HIVEP2: variants seen among roughly 807,000 people sequenced by gnomAD.
HIVEP2 encodes the protein transcription factor HIVEP2.
HIVEP2 carries 14 observed loss-of-function variants against 180.7 expected under a neutral mutation model. The observed-to-expected ratio is 0.08, with a 90% CI of 0.05 to 0.12. The LOEUF (loss-of-function observed/expected upper bound fraction) is 0.12. HIVEP2 is among the 10% of genes least tolerant of loss of function. The pLI is 1.00. For synonymous variants in HIVEP2, 1,184 were observed against 1,136.4 expected (o/e 1.04, Z -0.84); for missense variants, 2,579 against 3,008.5 (o/e 0.86, Z 3.34).
Position 142,822,288 on chromosome 6 carries a change from A to C in HIVEP2, c.-528+14647T>G, listed in dbSNP as rs143808611. Among the ~76,000 whole-genome samples, 468 of 152,364 alleles carry C rather than the reference A, an allele frequency of 3.1e-3. 1 individual carries two copies. The highest frequency in any genetic ancestry group is 5.5e-3 in the Non-Finnish European group (376 of 68,036). On this transcript the variant is annotated intron_variant, in intron 2 of 9. Coordinates refer to ENST00000367603, the MANE Select transcript of HIVEP2 (RefSeq NM_006734.4). ...TTTAAACTACACTGGATTACAAAGG[A>C]AACCAATTACCATGAATATAGGTAT...
intron 2 of HIVEP2, among the ~76,000 whole-genome samples, chr6:142,787,899 A>G (rs181405893): frequency 1.9e-4 from 29 of 152,338 alleles, no homozygotes; most frequent in Non-Finnish European, 2.8e-4. Context: ...TGAAAAGTCA[A>G]GAAGGTGCAT....
At chr6:142,760,838 T>G (rs1335073164) in intron 8 of HIVEP2, among the ~76,000 whole-genome samples, 171 bp from the exon 9 acceptor site, 1 of 152,228 alleles carries the variant, frequency 6.6e-6, no homozygotes, top group Non-Finnish European at 1.5e-5. Flanking sequence ...CCTGCGTTCA[T>G]TCTATCTTCT....
At chr6:142,857,325 C>T (rs1424426506) in intron 1 of HIVEP2, among the ~76,000 whole-genome samples, 1 of 152,048 alleles carries the variant, frequency 6.6e-6, no homozygotes, top group African/African-American at 2.4e-5. Context: ...TATTGTATAG[C>T]CCCTAGATCT....
intron 1 of HIVEP2, among the ~76,000 whole-genome samples, chr6:142,922,345 C>T (rs897881066): frequency 5.3e-5 from 8 of 152,172 alleles, no homozygotes; most frequent in African/African-American, 1.7e-4. Context: ...TTCCAATATC[C>T]TAATTCTTGA....
intron 1 of HIVEP2, among the ~76,000 whole-genome samples, chr6:142,873,075 C>T (rs1223439752): frequency 6.6e-6 from 1 of 152,182 alleles, no homozygotes; most frequent in Non-Finnish European, 1.5e-5. Context: ...TAAAGCATTA[C>T]ACAGCAACCC....
chr6:142,866,753 C>A (rs1776149061), intron 1 of HIVEP2, among the ~76,000 whole-genome samples: 1 of 152,134 alleles, frequency 6.6e-6, no homozygotes, highest in African/African-American at 2.4e-5. Context: ...CGGTCTCTCC[C>A]TTAGTTGATC....
chr6:142,868,914 A>C (rs1169166658), intron 1 of HIVEP2, among the ~76,000 whole-genome samples: 1 of 152,148 alleles, frequency 6.6e-6, no homozygotes, highest in Non-Finnish European at 1.5e-5. Flanking sequence ...TCTCCTTTTT[A>C]GTGTAAGTCT....
At chr6:142,809,581 C>CTGTTTGTTTGTTTGTTTGTTTGTTTGTT (rs3057566) in intron 2 of HIVEP2, among the ~76,000 whole-genome samples, 3 of 150,396 alleles carry the variant, frequency 2.0e-5, no homozygotes, top group African/African-American at 7.4e-5. Context: ...TCTGGGTTTT[C>CTGTTTGTTTGTTTGTTTGTTTGTTTGTT]TGTTTGTTTG....
intron 1 of HIVEP2, among the ~76,000 whole-genome samples, chr6:142,913,577 G>T (rs1344000919): frequency 1.3e-5 from 2 of 152,204 alleles, no homozygotes; most frequent in Non-Finnish European, 2.9e-5. Flanking sequence ...GAAGAAAGAG[G>T]TGTCTACAGG....
At chr6:142,878,196 C>G (rs971876852) in intron 1 of HIVEP2, among the ~76,000 whole-genome samples, 1 of 152,168 alleles carries the variant, frequency 6.6e-6, no homozygotes, top group Non-Finnish European at 1.5e-5. Flanking sequence ...ATCCACATGA[C>G]ATTGGCTTCA....
chr6:142,786,000 A>G (rs1775989774), intron 2 of HIVEP2, among the ~76,000 whole-genome samples: 2 of 152,238 alleles, frequency 1.3e-5, no homozygotes, highest in Admixed American at 6.5e-5. Context: ...ATTTTGTTAT[A>G]AATTGAAATC....
chr6:142,789,187 G>A (rs1453160541), intron 2 of HIVEP2, among the ~76,000 whole-genome samples: 1 of 145,910 alleles, frequency 6.9e-6, no homozygotes, highest in African/African-American at 2.6e-5. Context: ...ATTTTCAAAA[G>A]TACACTAGCT....
intron 2 of HIVEP2, among the ~76,000 whole-genome samples, chr6:142,830,514 A>G (rs1420397292): frequency 6.6e-6 from 1 of 152,178 alleles, no homozygotes; most frequent in African/African-American, 2.4e-5. Flanking sequence ...TGGCAGGGTG[A>G]AGGTTAAGAA....
At chr6:142,857,426 G>T (rs1458605657) in intron 1 of HIVEP2, among the ~76,000 whole-genome samples, 4 of 152,138 alleles carry the variant, frequency 2.6e-5, no homozygotes, top group African/African-American at 9.7e-5. Context: ...TGTGCAAATT[G>T]TTTTCCAAGC....
intron 2 of HIVEP2, among the ~76,000 whole-genome samples, chr6:142,818,535 G>C (rs1460120242): frequency 1.3e-5 from 2 of 151,802 alleles, no homozygotes; most frequent in East Asian, 3.9e-4. Context: ...CAGGCGTGGT[G>C]GCATATGCCT....
Position 142,753,730 on chromosome 6 carries a change from T to G in HIVEP2, c.6718A>C (p.Met2240Leu). The change falls in exon 10 of 10, where the codon ATG becomes CTG. Residue 2240 changes from methionine to leucine, a missense_variant. By Grantham distance (15) the Met-to-Leu change is conservative. This residue lies in a region of HIVEP2 where 660 missense variants were observed against 731.7 expected (regional missense o/e 0.90). Transcript: ENST00000367603. ...PVGGIQMVHS[M>L]PPALSSLHPS... Reference sequence around the variant, plus strand: ...TGTAAACTGGAAAGGGCTGGCGGCATGGAGTGAACCATCTGGATCCCACCA... The same window carrying G: ...TGTAAACTGGAAAGGGCTGGCGGCAGGGAGTGAACCATCTGGATCCCACCA... 6.2e-7 allele frequency: 1 copy of G among 1,614,154 alleles called. No individual in the cohort carries two copies. Among genetic ancestry groups the G allele is most frequent in the East Asian group, 2.2e-5 (1 of 44,880 alleles).
chr6:142,934,042 T>G (rs1777997165), intron 1 of HIVEP2, among the ~76,000 whole-genome samples: 1 of 152,242 alleles, frequency 6.6e-6, no homozygotes, highest in Non-Finnish European at 1.5e-5. Flanking sequence ...GCTGTGGAAC[T>G]GCTGACCATT....
intron 2 of HIVEP2, among the ~76,000 whole-genome samples, chr6:142,825,941 A>G (rs925624198): frequency 6.6e-6 from 1 of 152,068 alleles, no homozygotes; most frequent in African/African-American, 2.4e-5. Context: ...TAAAAATAAT[A>G]AATGATTATA....
At chr6:142,855,307 G>A (rs1232241773) in intron 1 of HIVEP2, among the ~76,000 whole-genome samples, 1 of 152,224 alleles carries the variant, frequency 6.6e-6, no homozygotes, top group Non-Finnish European at 1.5e-5. Flanking sequence ...TGCTGACTGT[G>A]AGGATGAAGG....
Sources: gnomAD v4.1 joint callset for allele counts (sites outside exome capture counted in the v4.1 genomes callset) on GRCh38, gnomAD v4.1.1 for gene constraint, gnomAD v4.1.1 regional missense constraint, MANE v1.5 for transcripts, NCBI Gene and HGNC (gene_info 2026-07-23, HGNC 2026-07-21) for gene names.